TENM4: variants seen among roughly 807,000 people sequenced by gnomAD.
The protein encoded by TENM4 is teneurin transmembrane protein 4, also known as teneurin-4.
TENM4 carries 82 observed loss-of-function variants against 243.3 expected under a neutral mutation model. That is an observed-to-expected ratio of 0.34 (90% CI 0.28 to 0.40). The LOEUF (loss-of-function observed/expected upper bound fraction) is 0.40, where lower values mean the gene tolerates loss of function less well. Ranked by LOEUF, TENM4 falls within the 10% of genes least tolerant of loss-of-function variation. The pLI is 1.00. For missense variants in TENM4, 3,138 were observed against 3,673.3 expected (o/e 0.85, Z 3.77); for synonymous variants, 1,412 against 1,456.3 (o/e 0.97, Z 0.69).
At chr11:78,988,624 CA>C (rs1325545782) in intron 6 of TENM4, among the ~76,000 whole-genome samples, 1 of 152,204 alleles carries the variant, frequency 6.6e-6, no homozygotes, top group Non-Finnish European at 1.5e-5. Context: ...AGCTGTTTCT[CA>C]ATGTGTAGCC....
chr11:79,017,583 G>T (rs1190670816), intron 6 of TENM4, among the ~76,000 whole-genome samples: 2 of 152,160 alleles, frequency 1.3e-5, no homozygotes, highest in Non-Finnish European at 2.9e-5. Context: ...TGTTGGGAAT[G>T]GTGGGGGGAG....
At chr11:79,406,773 T>C (rs1287373983) in intron 1 of TENM4, among the ~76,000 whole-genome samples, 1 of 152,172 alleles carries the variant, frequency 6.6e-6, no homozygotes, top group Non-Finnish European at 1.5e-5. Context: ...TTGATAATTC[T>C]TTAAAAACTG....
chr11:79,239,925 A>G (rs1175366809), intron 2 of TENM4, among the ~76,000 whole-genome samples: 1 of 152,198 alleles, frequency 6.6e-6, no homozygotes, highest in Non-Finnish European at 1.5e-5. Context: ...CTCCTTCAAA[A>G]GGTAAGAACA....
chr11:78,904,228 C>T (rs544789158), intron 6 of TENM4, among the ~76,000 whole-genome samples: 6 of 151,570 alleles, frequency 4.0e-5, no homozygotes, highest in African/African-American at 4.9e-5. Context: ...GGCGTGGTGG[C>T]GGGCGCCTGT....
chr11:79,393,335 G>C (rs916081317), intron 1 of TENM4, among the ~76,000 whole-genome samples: 1 of 122,660 alleles, frequency 8.2e-6, no homozygotes, highest in African/African-American at 2.9e-5. Context: ...AGCTCGTTGG[G>C]CAAGTTCCTA....
chr11:78,970,243 C>T (rs993950089), intron 6 of TENM4, among the ~76,000 whole-genome samples: 1 of 152,060 alleles, frequency 6.6e-6, no homozygotes, highest in Admixed American at 6.6e-5. Flanking sequence ...AGAGGGACCA[C>T]GTATTGCTCA....
intron 7 of TENM4, among the ~76,000 whole-genome samples, chr11:78,891,938 T>C (rs995790379): frequency 5.9e-5 from 9 of 152,212 alleles, no homozygotes; most frequent in African/African-American, 1.9e-4. Flanking sequence ...GAGCTGAGCA[T>C]TGCTGAGGCC....
chr11:79,205,366 T>C (rs7948291), intron 3 of TENM4, among the ~76,000 whole-genome samples: 11,763 of 152,158 alleles, frequency 0.077, 785 homozygotes, highest in African/African-American at 0.18. Flanking sequence ...TTAAGTTCTA[T>C]ACAATTTTAC....
intron 3 of TENM4, among the ~76,000 whole-genome samples, chr11:79,205,859 G>A (rs1419063368): frequency 2.0e-5 from 3 of 152,206 alleles, no homozygotes; most frequent in African/African-American, 7.2e-5. Context: ...TGAAATGAAG[G>A]AAGAGAGAAA....
chr11:79,113,432 C>G (rs377174492), intron 4 of TENM4, among the ~76,000 whole-genome samples: 82 of 122,372 alleles, frequency 6.7e-4, no homozygotes, highest in African/African-American at 2.6e-3. Context: ...GTGTGTGTGA[C>G]AGAGAGAGAG....
chr11:79,076,879 C>T (rs963069101), intron 4 of TENM4, among the ~76,000 whole-genome samples: 6 of 152,102 alleles, frequency 3.9e-5, no homozygotes, highest in Admixed American at 3.9e-4. Context: ...AGGTATTATT[C>T]TTTTATTCTT....
intron 19 of TENM4, among the ~76,000 whole-genome samples, chr11:78,740,742 C>G: frequency 6.6e-6 from 1 of 152,232 alleles, no homozygotes; most frequent in East Asian, 1.9e-4. Context: ...TGGACAGAAA[C>G]CAGTCCTGGG....
At chr11:79,164,147 A>G (rs1226600066) in intron 3 of TENM4, among the ~76,000 whole-genome samples, 1 of 120,164 alleles carries the variant, frequency 8.3e-6, no homozygotes, top group East Asian at 2.3e-4. Context: ...ATATGTATAT[A>G]TACAGTATAT....
At chr11:79,344,051 C>G (rs571160624) in intron 1 of TENM4, among the ~76,000 whole-genome samples, 1 of 152,346 alleles carries the variant, frequency 6.6e-6, no homozygotes, top group East Asian at 1.9e-4. Context: ...AAAGCATTCT[C>G]CTATCAATGA....
intron 27 of TENM4, among the ~76,000 whole-genome samples, chr11:78,704,064 C>CACAT (rs1565340416): frequency 7.4e-5 from 10 of 134,598 alleles, no homozygotes; most frequent in African/African-American, 2.9e-4. Context: ...CACACACACA[C>CACAT]ATATATATAT....
intron 2 of TENM4, among the ~76,000 whole-genome samples, chr11:79,264,591 T>C (rs773458903): frequency 1.3e-5 from 2 of 151,976 alleles, no homozygotes; most frequent in Non-Finnish European, 2.9e-5. Flanking sequence ...GGGGAAAACA[T>C]CAGTGGGTTG....
rs535902613 is a variant in TENM4 at position 79,066,772 on chromosome 11, A to G, written c.224-1765T>C. Among the ~76,000 whole-genome samples the G allele has an allele frequency of 1.9e-3, 285 of 152,276 alleles. 11 individuals carry two copies. In the South Asian group the frequency reaches 0.049, roughly 26 times the overall value. On this transcript the variant is annotated intron_variant, in intron 5 of 33. Transcript: ENST00000278550. ...CACGCACGCACAAGCACGCACACAC[A>G]CACAAGCACATACTCTGGCAGTACT...
At chr11:79,245,992 C>G (rs1426893295) in intron 2 of TENM4, among the ~76,000 whole-genome samples, 1 of 144,472 alleles carries the variant, frequency 6.9e-6, no homozygotes, top group Non-Finnish European at 1.5e-5. Context: ...AACAGGAGAT[C>G]CTAAATCTAA....
intron 1 of TENM4, among the ~76,000 whole-genome samples, chr11:79,339,836 G>C (rs1487924083): frequency 1.3e-5 from 2 of 152,146 alleles, no homozygotes; most frequent in East Asian, 3.9e-4. Context: ...GAATAAATCA[G>C]CCCTGTTGGG....
Sources: allele counts gnomAD v4.1 joint callset (sites outside exome capture counted in the v4.1 genomes callset), GRCh38; gene constraint gnomAD v4.1.1; transcripts MANE v1.5; gene names NCBI Gene and HGNC (gene_info 2026-07-23, HGNC 2026-07-21).